The following VAMP7 variants were observed in gnomAD, a reference collection of about 807,000 sequenced individuals.
VAMP7 encodes vesicle associated membrane protein 7.
VAMP7 carries 14 observed loss-of-function variants against 29.6 expected under a neutral mutation model. The ratio of observed to expected loss-of-function variants is 0.47; its 90% confidence interval spans 0.31 to 0.74. The LOEUF (loss-of-function observed/expected upper bound fraction) is 0.74. Ranked by LOEUF, VAMP7 falls within the 30% of genes least tolerant of loss-of-function variation. VAMP7 has a pLI of 0.05. For synonymous variants in VAMP7, 95 were observed against 88.1 expected (o/e 1.08, Z -0.44); for missense variants, 223 against 262.4 (o/e 0.85, Z 1.04).
intron 2 of VAMP7, among the ~76,000 whole-genome samples, chrX:155,893,111 T>C (rs760321043): frequency 1.3e-5 from 2 of 152,174 alleles, no homozygotes; most frequent in African/African-American, 4.8e-5. Context: ...GTAGGCTTCT[T>C]GATGGCAGGG....
chrX:155,886,287 A>C (rs1307547602), intron 1 of VAMP7, among the ~76,000 whole-genome samples: 1 of 152,174 alleles, frequency 6.6e-6, no homozygotes, highest in Non-Finnish European at 1.5e-5. Context: ...GGATTCTATT[A>C]CAAGACACTT....
At chrX:155,916,663 T>C (rs1191942620) in intron 5 of VAMP7, among the ~76,000 whole-genome samples, 1 of 152,202 alleles carries the variant, frequency 6.6e-6, no homozygotes, top group Non-Finnish European at 1.5e-5. Context: ...TTCTTTTCTT[T>C]AAGAATGTTG....
chrX:155,899,845 C>T (rs1398647830), intron 4 of VAMP7, among the ~76,000 whole-genome samples: 1 of 152,020 alleles, frequency 6.6e-6, no homozygotes, highest in Non-Finnish European at 1.5e-5. Context: ...ATAATAGCAT[C>T]GTTTCATAGA....
chrX:155,921,904 A>T (rs1001351640), intron 6 of VAMP7, among the ~76,000 whole-genome samples: 1 of 152,050 alleles, frequency 6.6e-6, no homozygotes, highest in African/African-American at 2.4e-5. Flanking sequence ...TTTAGGGGAC[A>T]TTGGTATCTT....
intron 6 of VAMP7, among the ~76,000 whole-genome samples, chrX:155,928,326 G>A (rs1453794974): frequency 8.5e-5 from 13 of 152,096 alleles, no homozygotes; most frequent in Admixed American, 8.5e-4. Context: ...CACAAACTTG[G>A]TGGCTTAAAA....
chrX:155,927,377 TAAAAAG>T (rs1249151265), intron 6 of VAMP7, among the ~76,000 whole-genome samples: 3 of 89,380 alleles, frequency 3.4e-5, no homozygotes, highest in African/African-American at 9.1e-5. Flanking sequence ...ATAATAATAA[TAAAAAG>T]AAACAAAAAG....
chrX:155,930,243 G>A (rs1487364135), intron 6 of VAMP7, among the ~76,000 whole-genome samples: 1 of 152,086 alleles, frequency 6.6e-6, no homozygotes, highest in African/African-American at 2.4e-5. Context: ...GCTCCACTTG[G>A]TGTGATCCAA....
At chrX:155,918,863 T>C (rs1379149400) in intron 5 of VAMP7, among the ~76,000 whole-genome samples, 1 of 152,210 alleles carries the variant, frequency 6.6e-6, no homozygotes, top group African/African-American at 2.4e-5. Flanking sequence ...CTCTATTCTA[T>C]TGATGGAATG....
At chrX:155,931,123 G>C (rs187118001) in intron 6 of VAMP7, among the ~76,000 whole-genome samples, 55 of 152,246 alleles carry the variant, frequency 3.6e-4, no homozygotes, top group African/African-American at 1.3e-3. Context: ...TTGGACATTT[G>C]GGTTGGTTCC....
chrX:155,914,947 C>T (rs761188297), intron 5 of VAMP7, among the ~76,000 whole-genome samples: 36 of 152,236 alleles, frequency 2.4e-4, no homozygotes, highest in African/African-American at 8.4e-4. Context: ...GTACCAGCTC[C>T]TCTTTATACC....
At chrX:155,915,897 A>G (rs1341324151) in intron 5 of VAMP7, among the ~76,000 whole-genome samples, 2 of 152,166 alleles carry the variant, frequency 1.3e-5, no homozygotes, top group Admixed American at 1.3e-4. Flanking sequence ...TCCAGAGCTG[A>G]GTTCAAGTCC....
chrX:155,894,097 G>C (rs1226222441), intron 2 of VAMP7, among the ~76,000 whole-genome samples: 1 of 152,078 alleles, frequency 6.6e-6, no homozygotes, highest in Non-Finnish European at 1.5e-5. Flanking sequence ...TACAAATGTG[G>C]GAGGCAAAAT....
intron 2 of VAMP7, among the ~76,000 whole-genome samples, chrX:155,894,416 G>T (rs2065961915): frequency 1.3e-5 from 2 of 149,984 alleles, no homozygotes; most frequent in African/African-American, 2.5e-5. Context: ...AATGCACAGT[G>T]TGGTTTATAA....
intron 7 of VAMP7, among the ~76,000 whole-genome samples, chrX:155,940,014 G>A (rs974222300): frequency 6.6e-6 from 1 of 151,942 alleles, no homozygotes; most frequent in African/African-American, 2.4e-5. Flanking sequence ...TCAATAGGAA[G>A]AGATCTATAA....
At chrX:155,933,657 TC>T (rs2066600931) in intron 6 of VAMP7, among the ~76,000 whole-genome samples, 1 of 152,204 alleles carries the variant, frequency 6.6e-6, no homozygotes, top group African/African-American at 2.4e-5. Context: ...AAAAACCAGC[TC>T]CTGGATTCAT....
At position 155,898,177 on chromosome X, in the gene VAMP7, C is replaced by CGTA; in HGVS notation, c.271_272insTAG (p.Tyr90_Gly91insVal). 6.2e-7 allele frequency: 1 copy of CGTA among 1,613,566 alleles called. No homozygotes were observed. On this transcript the variant is annotated inframe_insertion, in exon 4 of 8. Transcript: ENST00000286448. ...TAAAGAAGAGGTTCCAGACTACTTACGGTTCAAGAGCACAGACAGCACTTC... is the reference window on the plus strand; with the variant it reads ...TAAAGAAGAGGTTCCAGACTACTTACGTAGGTTCAAGAGCACAGACAGCACTTC...
At chrX:155,930,332 A>G (rs1265398307) in intron 6 of VAMP7, among the ~76,000 whole-genome samples, 1 of 152,132 alleles carries the variant, frequency 6.6e-6, no homozygotes, top group East Asian at 1.9e-4. Context: ...TCTAGATTAC[A>G]GTCTATTAGA....
At chrX:155,917,693 G>C (rs965052937) in intron 5 of VAMP7, among the ~76,000 whole-genome samples, 3 of 152,024 alleles carry the variant, frequency 2.0e-5, no homozygotes, top group Admixed American at 6.6e-5. Context: ...CGTCCCAGAG[G>C]GGCACCTGCC....
intron 5 of VAMP7, among the ~76,000 whole-genome samples, chrX:155,911,798 A>G (rs1433640511): frequency 6.6e-6 from 1 of 152,152 alleles, no homozygotes; most frequent in African/African-American, 2.4e-5. Context: ...AGATATTTGT[A>G]TGTTGATTCT....
Sources: gnomAD v4.1 joint callset for allele counts (sites outside exome capture counted in the v4.1 genomes callset) on GRCh38, gnomAD v4.1.1 for gene constraint, MANE v1.5 for transcripts, NCBI Gene and HGNC (gene_info 2026-07-23, HGNC 2026-07-21) for gene names.